The following SNRK variants were observed in gnomAD, a reference collection of about 807,000 sequenced individuals.
SNRK encodes the protein SNF related kinase, also known as SNF-related serine/threonine-protein kinase.
SNRK carries 3 observed loss-of-function variants against 48.2 expected under a neutral mutation model. That is an observed-to-expected ratio of 0.06 (90% CI 0.03 to 0.16). The LOEUF (loss-of-function observed/expected upper bound fraction) is 0.16. Among genes scored for constraint, SNRK ranks in the 10% least tolerant of loss-of-function variants. SNRK has a pLI of 1.00. For missense variants in SNRK, 627 were observed against 976.0 expected (o/e 0.64, Z 4.76); for synonymous variants, 376 against 366.1 (o/e 1.03, Z -0.31).
intron 1 of SNRK, among the ~76,000 whole-genome samples, chr3:43,298,757 C>G (rs2090876661): frequency 6.6e-6 from 1 of 152,238 alleles, no homozygotes; most frequent in Admixed American, 6.5e-5. Flanking sequence ...CTACCTTGGT[C>G]AGTATTCCCT....
At chr3:43,320,955 T>C (rs2091049324) in intron 3 of SNRK, among the ~76,000 whole-genome samples, 1 of 151,748 alleles carries the variant, frequency 6.6e-6, no homozygotes, top group Non-Finnish European at 1.5e-5. Context: ...TTTTAAGTTA[T>C]TATAGCAGAA....
At chr3:43,316,911 A>T (rs2091017390) in intron 3 of SNRK, among the ~76,000 whole-genome samples, 2 of 152,184 alleles carry the variant, frequency 1.3e-5, no homozygotes, top group South Asian at 2.1e-4. Flanking sequence ...TGCAGGTCAG[A>T]TTACCACACC....
chr3:43,328,717 C>G (rs556559862), intron 3 of SNRK, among the ~76,000 whole-genome samples: 1 of 152,150 alleles, frequency 6.6e-6, no homozygotes, highest in East Asian at 1.9e-4. Flanking sequence ...GAATAAGAAG[C>G]TTTCCCTGTT....
chr3:43,327,957 G>GGT (rs1553634960), intron 3 of SNRK, among the ~76,000 whole-genome samples: 2 of 147,066 alleles, frequency 1.4e-5, no homozygotes, highest in African/African-American at 5.0e-5. Flanking sequence ...CATGAGTTGG[G>GGT]TTTTTTTTTT....
intron 3 of SNRK, among the ~76,000 whole-genome samples, chr3:43,331,400 G>C (rs530521241): frequency 1.3e-5 from 2 of 152,314 alleles, no homozygotes; most frequent in Admixed American, 6.5e-5. Context: ...TCTAATGCTA[G>C]AGTTGAGAGG....
At chr3:43,295,217 A>T (rs1362166434) in intron 1 of SNRK, among the ~76,000 whole-genome samples, 1 of 152,202 alleles carries the variant, frequency 6.6e-6, no homozygotes, top group African/African-American at 2.4e-5. Context: ...TGATTTGCCT[A>T]ACTCCTGAGT....
chr3:43,320,351 C>CA (rs1253127223), intron 3 of SNRK, among the ~76,000 whole-genome samples: 10 of 152,138 alleles, frequency 6.6e-5, no homozygotes, highest in Admixed American at 6.5e-4. Context: ...TTTTGTATAA[C>CA]AGAGTTCGTA....
chr3:43,337,297 C>T (rs1394020510), intron 4 of SNRK, among the ~76,000 whole-genome samples: 1 of 151,336 alleles, frequency 6.6e-6, no homozygotes, highest in African/African-American at 2.4e-5. Flanking sequence ...TGGTCTCGAA[C>T]TCCTTAGCTC....
intron 3 of SNRK, among the ~76,000 whole-genome samples, chr3:43,310,422 C>T (rs115432400): frequency 4.6e-5 from 7 of 152,002 alleles, no homozygotes; most frequent in Admixed American, 2.6e-4. Context: ...AATAAGAATC[C>T]GTTTGTTTTT....
intron 4 of SNRK, among the ~76,000 whole-genome samples, chr3:43,335,919 T>C (rs980958116): frequency 6.6e-6 from 1 of 152,232 alleles, no homozygotes; most frequent in Non-Finnish European, 1.5e-5. Flanking sequence ...TTTTTCTTTC[T>C]TTTCTTAAAC....
intron 4 of SNRK, among the ~76,000 whole-genome samples, chr3:43,338,054 T>A (rs964135003): frequency 9.2e-5 from 14 of 152,210 alleles, no homozygotes; most frequent in African/African-American, 3.4e-4. Context: ...CTGGCCTCTT[T>A]ATTCTCTTCT....
intron 6 of SNRK, among the ~76,000 whole-genome samples, chr3:43,344,341 T>C (rs1430604052): frequency 6.6e-6 from 1 of 152,198 alleles, no homozygotes; most frequent in Non-Finnish European, 1.5e-5. Flanking sequence ...TGCACTCAGA[T>C]AAAGTAACCC....
In SNRK at chr3:43,324,563, C is replaced by T. The variant is rs923489979; in HGVS notation, c.590-7606C>T. 3.3e-5 allele frequency among the ~76,000 whole-genome samples: 5 copies of T among 150,730 alleles called. No individual in the cohort carries two copies. In the South Asian group the frequency reaches 1.0e-3, roughly 32 times the overall value. On this transcript the variant is annotated intron_variant, in intron 3 of 6. Transcript: ENST00000296088. ...ACTGGCATTAAATATGCACTGCTTT[C>T]ATAATCTGAAAGAAGTAAGTGTTAA...
intron 2 of SNRK, among the ~76,000 whole-genome samples, chr3:43,300,671 G>A (rs1272728863): frequency 6.6e-6 from 1 of 150,410 alleles, no homozygotes; most frequent in South Asian, 2.1e-4. Context: ...TTCTTTTGGG[G>A]AACTGCTGTC....
At chr3:43,321,126 A>G (rs66498110) in intron 3 of SNRK, among the ~76,000 whole-genome samples, 2 of 151,910 alleles carry the variant, frequency 1.3e-5, no homozygotes, top group Non-Finnish European at 2.9e-5. Context: ...AAACAACTTC[A>G]TAAGAATTTC....
In SNRK at chr3:43,350,286, T is replaced by C. The variant is rs895872125; in HGVS notation, c.*1729T>C. 1 of 152,624 alleles carries C rather than the reference T, an allele frequency of 6.6e-6. No homozygotes were observed. 9.5% of individuals were successfully genotyped at this position (152,624 alleles called of 1,614,324 possible). ...TTGAAATTCTTGAGCAGGGATCTTA[T>C]AAAGGGCCAGAAATAAGATGTGTGG... is the stretch of plus-strand genomic sequence containing the variant. On this transcript the variant is annotated 3_prime_UTR_variant, in exon 7 of 7. Transcript: ENST00000296088.
chr3:43,296,426 A>ATATATG (rs1454169582), intron 1 of SNRK, among the ~76,000 whole-genome samples: 133 of 146,050 alleles, frequency 9.1e-4, no homozygotes, highest in Non-Finnish European at 1.8e-3. Context: ...ATATATATAT[A>ATATATG]TATATATGTA....
At chr3:43,319,125 G>C (rs1455945795) in intron 3 of SNRK, among the ~76,000 whole-genome samples, 1 of 152,096 alleles carries the variant, frequency 6.6e-6, no homozygotes, top group African/African-American at 2.4e-5. Flanking sequence ...GGTGGGACTA[G>C]TTAGTGACCG....
chr3:43,339,144 A>C (rs544322127), intron 4 of SNRK, among the ~76,000 whole-genome samples: 1 of 152,316 alleles, frequency 6.6e-6, no homozygotes, highest in East Asian at 1.9e-4. Flanking sequence ...GTTGCCTAGG[A>C]GTGCTTCCAG....
Sources: allele counts gnomAD v4.1 joint callset (sites outside exome capture counted in the v4.1 genomes callset), GRCh38; gene constraint gnomAD v4.1.1; transcripts MANE v1.5; gene names NCBI Gene and HGNC (gene_info 2026-07-23, HGNC 2026-07-21).